Variants in MPZL1 observed in about 807,000 individuals in gnomAD.
MPZL1 encodes the protein myelin protein zero like 1, also known as myelin protein zero-like protein 1.
MPZL1 carries 16 observed loss-of-function variants against 29.3 expected under a neutral mutation model. That is an observed-to-expected ratio of 0.55 (90% CI 0.37 to 0.83). MPZL1 has a LOEUF of 0.83. Among genes scored for constraint, MPZL1 ranks in the 40% least tolerant of loss-of-function variants. MPZL1 has a pLI of 0.00. For missense variants in MPZL1, 279 were observed against 332.9 expected (o/e 0.84, Z 1.26); for synonymous variants, 143 against 132.0 (o/e 1.08, Z -0.57).
At chr1:167,771,097 C>T (rs558947732) in intron 2 of MPZL1, among the ~76,000 whole-genome samples, 14 of 151,228 alleles carry the variant, frequency 9.3e-5, no homozygotes, top group African/African-American at 3.2e-4. Flanking sequence ...AAGGTCAACA[C>T]GTGAACAAAG....
At chr1:167,756,674 G>C (rs1197604652) in intron 1 of MPZL1, among the ~76,000 whole-genome samples, 2 of 152,126 alleles carry the variant, frequency 1.3e-5, no homozygotes, top group Non-Finnish European at 2.9e-5. Flanking sequence ...TCTGAATTTA[G>C]TTTGATATAT....
intron 1 of MPZL1, among the ~76,000 whole-genome samples, chr1:167,762,589 T>C (rs751420703): frequency 2.6e-4 from 40 of 152,232 alleles, no homozygotes; most frequent in Admixed American, 1.1e-3. Context: ...ACTCGGTGCT[T>C]GGCCCAAGGT....
rs1170661078 is a variant in MPZL1, at chr1:167,791,301, G to T, written c.*3380G>T. On this transcript the variant is annotated 3_prime_UTR_variant, in exon 6 of 6. Transcript: ENST00000359523. ...ACATGTTACGTGGATGGATGAGTAG[G>T]TGGAAGCATTCATCCATTCAGCAAC... 1 of 152,232 alleles carries T rather than the reference G, an allele frequency of 6.6e-6. No individual in the cohort carries two copies. The highest frequency in any genetic ancestry group is 1.5e-5 in the Non-Finnish European group (1 of 68,070). The allele number at this position is 152,232 out of a possible 1,614,324, so 9.4% of individuals were successfully genotyped here.
At chr1:167,786,044 C>T (rs1315273784) in intron 5 of MPZL1, among the ~76,000 whole-genome samples, 4 of 152,196 alleles carry the variant, frequency 2.6e-5, no homozygotes, top group Admixed American at 6.5e-5. Flanking sequence ...CCGCCCGCCT[C>T]GGCCTCCCAA....
intron 2 of MPZL1, among the ~76,000 whole-genome samples, chr1:167,766,331 A>G (rs1366047769): frequency 1.3e-5 from 2 of 152,214 alleles, no homozygotes; most frequent in Non-Finnish European, 2.9e-5. Flanking sequence ...CATTGAAAAA[A>G]GGTTATTTAG....
At chr1:167,782,390 G>C (rs1376995610) in intron 5 of MPZL1, among the ~76,000 whole-genome samples, 1 of 152,026 alleles carries the variant, frequency 6.6e-6, no homozygotes, top group Admixed American at 6.6e-5. Flanking sequence ...TGCTAATGGT[G>C]GCTATTTTCT....
Position 167,781,735 on chromosome 1 carries a change from C to T in MPZL1, c.708+5569C>T, listed in dbSNP as rs114448179. Among the ~76,000 whole-genome samples the T allele has an allele frequency of 8.9e-3, 1,354 of 152,246 alleles. 12 individuals carry two copies. The highest frequency in any genetic ancestry group is 0.034 in the Middle Eastern group (10 of 294). On this transcript the variant is annotated intron_variant, in intron 5 of 5. Coordinates refer to ENST00000359523, the MANE Select transcript of MPZL1 (RefSeq NM_003953.6). Reference sequence around the variant, plus strand: ...ATAAAGAGAAGAGCTGTGGAAAAATCAGCTGACATTCTCATTGTTTCCCTG... The same window carrying T: ...ATAAAGAGAAGAGCTGTGGAAAAATTAGCTGACATTCTCATTGTTTCCCTG...
chr1:167,765,872 A>AC, intron 2 of MPZL1, 123 bp downstream of exon 2: 2 of 862,298 alleles, frequency 2.3e-6, no homozygotes, highest in Non-Finnish European at 3.3e-6. Context: ...TCTGTTATAG[A>AC]CTTCAAGGCC....
chr1:167,729,633 G>T, intron 1 of MPZL1, among the ~76,000 whole-genome samples: 1 of 152,178 alleles, frequency 6.6e-6, no homozygotes, highest in East Asian at 1.9e-4. Context: ...AAATCTCCTA[G>T]ATGTCTGAAA....
At chr1:167,770,242 C>G (rs990026029) in intron 2 of MPZL1, among the ~76,000 whole-genome samples, 2 of 152,168 alleles carry the variant, frequency 1.3e-5, no homozygotes. Context: ...GTTTGAATTG[C>G]TAATAGAGCT....
At chr1:167,748,527 A>G (rs1403545778) in intron 1 of MPZL1, among the ~76,000 whole-genome samples, 2 of 152,212 alleles carry the variant, frequency 1.3e-5, no homozygotes, top group Non-Finnish European at 2.9e-5. Context: ...ATATTTGAAT[A>G]CAAGTCTCAT....
chr1:167,779,353 G>A (rs746600986), intron 5 of MPZL1, among the ~76,000 whole-genome samples: 2 of 152,138 alleles, frequency 1.3e-5, no homozygotes, highest in Non-Finnish European at 2.9e-5. Context: ...GGGAGGCTGA[G>A]GTGGGTGGAT....
At chr1:167,742,233 C>T (rs12142987) in intron 1 of MPZL1, among the ~76,000 whole-genome samples, 38,513 of 143,822 alleles carry the variant, frequency 0.27, 5,461 homozygotes, top group Middle Eastern at 0.39. Flanking sequence ...GCGGAGGTTG[C>T]AGTGAGCAGA....
At chr1:167,776,399 C>G (rs1478246351) in intron 5 of MPZL1, among the ~76,000 whole-genome samples, 1 of 152,130 alleles carries the variant, frequency 6.6e-6, no homozygotes, top group African/African-American at 2.4e-5. Flanking sequence ...CCACCAATAA[C>G]ATAAATTGTT....
chr1:167,725,351 G>T (rs1031641923), intron 1 of MPZL1, among the ~76,000 whole-genome samples: 1 of 152,116 alleles, frequency 6.6e-6, no homozygotes, highest in South Asian at 2.1e-4. Context: ...GCACAATCTC[G>T]GCTTACTGCA....
chr1:167,758,882 G>A (rs933620037), intron 1 of MPZL1, among the ~76,000 whole-genome samples: 5 of 152,178 alleles, frequency 3.3e-5, no homozygotes, highest in Admixed American at 6.5e-5. Flanking sequence ...TTATAGAACC[G>A]TTCCCCAGAG....
At chr1:167,775,989 AT>A in intron 4 of MPZL1, 74 bp from the exon 5 acceptor site, 1 of 1,006,706 alleles carries the variant, frequency 9.9e-7, no homozygotes, top group Non-Finnish European at 1.4e-6. Flanking sequence ...CGTCAGTTGC[AT>A]TTCTATATTT....
intron 1 of MPZL1, among the ~76,000 whole-genome samples, chr1:167,757,318 G>C (rs572114405): frequency 6.6e-6 from 1 of 152,214 alleles, no homozygotes; most frequent in Non-Finnish European, 1.5e-5. Flanking sequence ...TGAGGGAATC[G>C]TGTGGAATTT....
intron 1 of MPZL1, among the ~76,000 whole-genome samples, chr1:167,750,281 A>G (rs1401339024): frequency 6.6e-6 from 1 of 151,738 alleles, no homozygotes; most frequent in East Asian, 1.9e-4. Context: ...GCTCATTGCA[A>G]CCTCCGCCTC....
Sources: allele counts gnomAD v4.1 joint callset (sites outside exome capture counted in the v4.1 genomes callset), GRCh38; gene constraint gnomAD v4.1.1; transcripts MANE v1.5; gene names NCBI Gene and HGNC (gene_info 2026-07-23, HGNC 2026-07-21).